Variants in SESN1 observed in about 807,000 individuals in gnomAD.
SESN1 encodes sestrin-1.
In SESN1, 30 loss-of-function variants were observed where a neutral mutation model predicts 59.3. The observed-to-expected ratio is 0.51, with a 90% CI of 0.38 to 0.69. The LOEUF (loss-of-function observed/expected upper bound fraction) is 0.69, where lower values mean the gene tolerates loss of function less well. Ranked by LOEUF, SESN1 falls within the 30% of genes least tolerant of loss-of-function variation. The pLI is 0.00. For synonymous variants in SESN1, 197 were observed against 219.9 expected (o/e 0.90, Z 0.92); for missense variants, 566 against 673.0 (o/e 0.84, Z 1.76).
chr6:109,017,022 ATATATTT>A (rs1206274317), intron 1 of SESN1, among the ~76,000 whole-genome samples: 4 of 151,988 alleles, frequency 2.6e-5, no homozygotes, highest in East Asian at 1.9e-4. Flanking sequence ...CTATTATTTT[ATATATTT>A]TATATTTTAT....
chr6:109,066,853 G>A (rs1780836675), intron 1 of SESN1, among the ~76,000 whole-genome samples: 2 of 151,704 alleles, frequency 1.3e-5, no homozygotes, highest in South Asian at 4.2e-4. Context: ...CCTGGGTCAA[G>A]TGTCAATGAA....
chr6:109,038,472 G>A (rs554741500), intron 1 of SESN1, among the ~76,000 whole-genome samples: 2 of 144,364 alleles, frequency 1.4e-5, no homozygotes, highest in East Asian at 3.9e-4. Context: ...ACTCCAGCCT[G>A]GGTAAGACAA....
chr6:109,051,749 C>T (rs528382461), intron 1 of SESN1, among the ~76,000 whole-genome samples: 1 of 152,276 alleles, frequency 6.6e-6, no homozygotes, highest in Admixed American at 6.5e-5. Context: ...GTTTTGTTTT[C>T]TCTCACAGTT....
At chr6:109,018,422 G>T (rs1779959436) in intron 1 of SESN1, among the ~76,000 whole-genome samples, 1 of 152,220 alleles carries the variant, frequency 6.6e-6, no homozygotes, top group Non-Finnish European at 1.5e-5. Flanking sequence ...ATTAATGCGT[G>T]TCTACATCAG....
Position 109,045,854 on chromosome 6 carries a change from TAC to T in SESN1, c.280-43513_280-43512del, listed in dbSNP as rs532187875. ...TTCTCCAGTGTCTGGCATGGAATGT[TAC>T]ACAGAGTAGATAATACATGTTTCTG... is the stretch of plus-strand genomic sequence containing the variant. On this transcript the variant is annotated intron_variant, in intron 1 of 9. Coordinates refer to ENST00000436639, the MANE Select transcript of SESN1 (RefSeq NM_014454.3). Among the ~76,000 whole-genome samples the T allele has an allele frequency of 6.6e-3, 1,001 of 152,304 alleles. 11 individuals carry two copies. The highest frequency in any genetic ancestry group is 0.022 in the African/African-American group (935 of 41,556).
intron 1 of SESN1, among the ~76,000 whole-genome samples, chr6:109,015,322 TCTC>T (rs1779914084): frequency 6.6e-6 from 1 of 152,124 alleles, no homozygotes; most frequent in Admixed American, 6.5e-5. Flanking sequence ...CTGTGACTGC[TCTC>T]CTGCACTACC....
intron 1 of SESN1, among the ~76,000 whole-genome samples, chr6:109,092,121 A>T (rs1237486817): frequency 6.6e-6 from 1 of 152,256 alleles, no homozygotes; most frequent in East Asian, 1.9e-4. Context: ...GTCCTTTTGC[A>T]GGATGAAAGA....
At chr6:109,064,001 T>C (rs1416470934) in intron 1 of SESN1, among the ~76,000 whole-genome samples, 1 of 151,960 alleles carries the variant, frequency 6.6e-6, no homozygotes, top group Non-Finnish European at 1.5e-5. Context: ...CTGCATTAAA[T>C]AGAAAAAATA....
rs747662176 is a variant in SESN1, at chr6:109,002,278, C to T, written c.345G>A (p.Glu115=). 1.2e-6 allele frequency: 2 copies of T among 1,612,922 alleles called. No homozygotes were observed. The highest frequency in any genetic ancestry group is 1.7e-6 in the Non-Finnish European group (2 of 1,179,018). The change falls in exon 2 of 10, where the codon GAG becomes GAA. Residue 115 remains glutamate (E), a splice_region_variant and synonymous_variant. Transcript: ENST00000436639. ...QGPSRFIPEK[E]ILQVGSEDAQ... is the part of the protein sequence containing the mutation. ...CTATGTACTTTCACAAACAACGTAC[C>T]TCCTTTTCTGGGATGAATCTGCTTG... is the stretch of plus-strand genomic sequence containing the variant.
chr6:109,007,370 A>G (rs1779753658), intron 1 of SESN1, among the ~76,000 whole-genome samples: 1 of 152,234 alleles, frequency 6.6e-6, no homozygotes, highest in Non-Finnish European at 1.5e-5. Context: ...CAAGTGCAAA[A>G]TGAAAGCATT....
At chr6:109,035,496 G>A (rs181027924) in intron 1 of SESN1, among the ~76,000 whole-genome samples, 16 of 151,832 alleles carry the variant, frequency 1.1e-4, no homozygotes, top group Middle Eastern at 3.4e-3. Context: ...TAGGAAATAA[G>A]GTGTTCAGGA....
chr6:108,995,709 A>G (rs1420134914), intron 5 of SESN1, among the ~76,000 whole-genome samples: 2 of 152,328 alleles, frequency 1.3e-5, no homozygotes, highest in African/African-American at 4.8e-5. Flanking sequence ...TGAGCCCAGG[A>G]GGAGTTCAAG....
At chr6:108,993,334 A>C (rs1779429959) in intron 6 of SESN1, among the ~76,000 whole-genome samples, 1 of 152,220 alleles carries the variant, frequency 6.6e-6, no homozygotes, top group South Asian at 2.1e-4. Flanking sequence ...AAGAAATCCC[A>C]TGGGTTAACA....
At chr6:109,051,420 T>C (rs886663914) in intron 1 of SESN1, among the ~76,000 whole-genome samples, 1 of 152,224 alleles carries the variant, frequency 6.6e-6, no homozygotes, top group Non-Finnish European at 1.5e-5. Flanking sequence ...CAACATTGTA[T>C]ATTAGTGAGT....
At chr6:108,988,963 C>T (rs965218455) in intron 8 of SESN1, among the ~76,000 whole-genome samples, 2 of 152,096 alleles carry the variant, frequency 1.3e-5, no homozygotes, top group Non-Finnish European at 2.9e-5. Context: ...GGGTACCAAG[C>T]AATAGTGTAT....
At chr6:109,046,335 T>C (rs933072905) in intron 1 of SESN1, among the ~76,000 whole-genome samples, 2 of 151,876 alleles carry the variant, frequency 1.3e-5, no homozygotes, top group Admixed American at 6.5e-5. Flanking sequence ...TCCGCCAGCC[T>C]TGGCCTCCCG....
Position 108,998,609 on chromosome 6 carries a change from G to T in SESN1, c.876C>A (p.Phe292Leu). The T allele has an allele frequency of 6.2e-7, 1 of 1,613,928 alleles. No individual in the cohort carries two copies. Among genetic ancestry groups the T allele is most frequent in the South Asian group, 1.1e-5 (1 of 91,074 alleles). Reference sequence around the variant, plus strand: ...AGTAGTTGCTAACAGAAGGAGGTCTGAATGTGTGGCCACCATCACAATGAA... The same window carrying T: ...AGTAGTTGCTAACAGAAGGAGGTCTTAATGTGTGGCCACCATCACAATGAA... ...PEIHCDGGHT[F>L]RPPSVSNYCI... The change falls in exon 5 of 10, where the codon TTC (phenylalanine) becomes TTA (leucine). Residue 292 changes from phenylalanine to leucine, a missense_variant. Phe to Leu is a conservative substitution (Grantham distance 22). Coordinates refer to ENST00000436639, the MANE Select transcript of SESN1 (RefSeq NM_014454.3).
At position 109,029,980 on chromosome 6, in the gene SESN1, G is replaced by A. The variant is rs561520251; in HGVS notation, c.280-27637C>T. Among the ~76,000 whole-genome samples the A allele has an allele frequency of 2.0e-5, 3 of 152,280 alleles. No homozygotes were observed. In the East Asian group the frequency reaches 5.8e-4, roughly 29 times the overall value. On this transcript the variant is annotated intron_variant, in intron 1 of 9. Transcript: ENST00000436639. ...ATTATTAACATGACAGATAACATAA[G>A]GTCTGAGATATTACGGTACCCAACC...
At chr6:109,018,257 G>C (rs1203967190) in intron 1 of SESN1, among the ~76,000 whole-genome samples, 1 of 152,144 alleles carries the variant, frequency 6.6e-6, no homozygotes, top group Non-Finnish European at 1.5e-5. Context: ...ATTCAATGGA[G>C]ACTGCCAAAA....
Sources: allele counts gnomAD v4.1 joint callset (sites outside exome capture counted in the v4.1 genomes callset), GRCh38; gene constraint gnomAD v4.1.1; transcripts MANE v1.5; gene names NCBI Gene and HGNC (gene_info 2026-07-23, HGNC 2026-07-21).